EFTUD2: variants seen among roughly 807,000 people sequenced by gnomAD.
The protein encoded by EFTUD2 is 116 kDa U5 small nuclear ribonucleoprotein component.
In EFTUD2, 9 loss-of-function variants were observed where a neutral mutation model predicts 114.3. The observed-to-expected ratio is 0.08, with a 90% CI of 0.05 to 0.14. The LOEUF is 0.14. Among genes scored for constraint, EFTUD2 ranks in the 10% least tolerant of loss-of-function variants. The pLI is 1.00. For synonymous variants in EFTUD2, 449 were observed against 462.3 expected (o/e 0.97, Z 0.37); for missense variants, 765 against 1,241.2 (o/e 0.62, Z 5.76).
chr17:44,894,187 G>A, intron 2 of EFTUD2: 2 of 450,466 alleles, frequency 4.4e-6, no homozygotes, highest in South Asian at 5.2e-5. Context: ...ACCAGCCTGG[G>A]CAATGTTTCA....
intron 11 of EFTUD2, 37 bp downstream of exon 11, chr17:44,872,409 G>A (rs746424607): frequency 1.2e-6 from 2 of 1,607,534 alleles, no homozygotes; most frequent in South Asian, 1.1e-5. Context: ...CAGGACTCAG[G>A]GGAAGCTGGT....
At position 44,862,989 on chromosome 17, in the gene EFTUD2, G is replaced by C. The variant is rs958714527; in HGVS notation, c.1414-83C>G. On this transcript the variant is annotated intron_variant, in intron 15 of 27. Transcript: ENST00000426333. The stretch of plus-strand genomic sequence containing the variant: ...TCCCCGCCATCTTCCTTGACAGCAA[G>C]GACATGAGCTCTATGAGGAGCTAGA... 1.9e-5 allele frequency: 23 copies of C among 1,195,254 alleles called. No homozygotes were observed. In the African/African-American group the frequency reaches 3.2e-4, roughly 16 times the overall value. The allele number at this position is 1,195,254 out of a possible 1,614,324, so 74.0% of individuals were successfully genotyped here.
At chr17:44,895,338 A>C (rs1162330552) in intron 1 of EFTUD2, among the ~76,000 whole-genome samples, 1 of 152,344 alleles carries the variant, frequency 6.6e-6, no homozygotes, top group Middle Eastern at 3.4e-3. Flanking sequence ...TCTACTAAAA[A>C]TACAAAAATT....
In EFTUD2 at chr17:44,893,290, T is replaced by C. The variant is rs184205190; in HGVS notation, c.105+1127A>G. ...GGCACGCGCCAACAAGCCTGGCTAA[T>C]ATTTGTATTTTTAGTAGAGACGGGG... On this transcript the variant is annotated intron_variant, in intron 2 of 27. Transcript: ENST00000426333. Among the ~76,000 whole-genome samples, 62 of 152,128 alleles carry C rather than the reference T, an allele frequency of 4.1e-4. No homozygotes were observed. In the East Asian group the frequency reaches 0.012, roughly 29 times the overall value.
At position 44,883,630 on chromosome 17, in the gene EFTUD2, G is replaced by T; in HGVS notation, c.426+19C>A. 1 of 1,609,494 alleles carries T rather than the reference G, an allele frequency of 6.2e-7. No homozygotes were observed. ...CAAAAGAGAAATCCTGTTCCAAGTA[G>T]CTGAAAGTTCCGTCTTACCTTGCCA... is the stretch of plus-strand genomic sequence containing the variant. On this transcript the variant is annotated intron_variant, in intron 5 of 27. Coordinates refer to ENST00000426333, the MANE Select transcript of EFTUD2 (RefSeq NM_004247.4).
At chr17:44,873,906 T>A (rs1211903560) in intron 10 of EFTUD2, among the ~76,000 whole-genome samples, 4 of 151,266 alleles carry the variant, frequency 2.6e-5, no homozygotes, top group Non-Finnish European at 4.4e-5. Context: ...TAATTTTTTT[T>A]GTATTTTTTA....
At chr17:44,862,618 C>A (rs1299816348) in intron 16 of EFTUD2, 95 bp downstream of exon 16, 2 of 1,227,290 alleles carry the variant, frequency 1.6e-6, no homozygotes, top group Non-Finnish European at 2.3e-6. Context: ...CAGAGCCTTG[C>A]AACTACTTCC....
chr17:44,868,919 T>C (rs2050797862), intron 11 of EFTUD2, among the ~76,000 whole-genome samples: 1 of 152,220 alleles, frequency 6.6e-6, no homozygotes, highest in South Asian at 2.1e-4. Context: ...TGACTATAAC[T>C]GCTAATCCTG....
chr17:44,875,854 TCA>T, intron 10 of EFTUD2, 78 bp downstream of exon 10: 2 of 1,527,732 alleles, frequency 1.3e-6, no homozygotes, highest in South Asian at 1.2e-5. Flanking sequence ...TAGAAATAAA[TCA>T]CAGTTGTTCC....
At chr17:44,881,984 TGCAATGGC>T in intron 6 of EFTUD2, 2 of 453,660 alleles carry the variant, frequency 4.4e-6, no homozygotes, top group South Asian at 4.6e-5. Context: ...CAGGCTGGAG[TGCAATGGC>T]GCGATCTCAG....
At chr17:44,885,432 T>TC in intron 3 of EFTUD2, 98 bp from the exon 4 acceptor site, 7 of 830,022 alleles carry the variant, frequency 8.4e-6, no homozygotes, top group Non-Finnish European at 1.0e-5. Flanking sequence ...ATGTATGATG[T>TC]ATGACATCAA....
At chr17:44,889,407 A>T (rs1231262523) in intron 2 of EFTUD2, among the ~76,000 whole-genome samples, 1 of 152,200 alleles carries the variant, frequency 6.6e-6, no homozygotes, top group African/African-American at 2.4e-5. Context: ...TATGGGGTCA[A>T]GAGAGAGTTT....
intron 1 of EFTUD2, among the ~76,000 whole-genome samples, chr17:44,898,228 A>G (rs76829857): frequency 0.095 from 14,465 of 151,894 alleles, 758 homozygotes; most frequent in Middle Eastern, 0.26. Context: ...TTTTATATAT[A>G]TTTTTTGAGA....
chr17:44,863,229 C>T, intron 15 of EFTUD2: 1 of 272,018 alleles, frequency 3.7e-6, no homozygotes, highest in Non-Finnish European at 6.9e-6. Context: ...TAACTCAATT[C>T]TCAACTGGCT....
At chr17:44,867,048 A>G (rs576207053) in intron 13 of EFTUD2, among the ~76,000 whole-genome samples, 260 of 152,346 alleles carry the variant, frequency 1.7e-3, no homozygotes, top group African/African-American at 6.0e-3. Context: ...TTGAAGCTGC[A>G]GTGAGCTATG....
intron 9 of EFTUD2, 41 bp from the exon 10 acceptor site, chr17:44,876,141 G>T (rs769562427): frequency 1.3e-6 from 2 of 1,582,018 alleles, no homozygotes; most frequent in Non-Finnish European, 8.6e-7. Context: ...GAAGAACAAG[G>T]AGGGCAGAAA....
chr17:44,855,406 A>C (rs902979769), intron 20 of EFTUD2, among the ~76,000 whole-genome samples: 2 of 151,742 alleles, frequency 1.3e-5, no homozygotes, highest in African/African-American at 4.8e-5. Flanking sequence ...ACTAAAATAC[A>C]AAAAATTAGC....
At chr17:44,880,523 T>C in intron 8 of EFTUD2, 31 bp downstream of exon 8, 1 of 1,573,546 alleles carries the variant, frequency 6.4e-7, no homozygotes, top group South Asian at 1.1e-5. Context: ...AAGACAAGGT[T>C]CTAATAATCA....
intron 2 of EFTUD2, among the ~76,000 whole-genome samples, chr17:44,890,619 G>A (rs891571121): frequency 2.0e-5 from 3 of 149,416 alleles, no homozygotes; most frequent in Non-Finnish European, 4.5e-5. Flanking sequence ...TTGAACCCGG[G>A]AGGTGGAGGT....
Sources: gnomAD v4.1 joint callset for allele counts (sites outside exome capture counted in the v4.1 genomes callset) on GRCh38, gnomAD v4.1.1 for gene constraint, MANE v1.5 for transcripts, NCBI Gene and HGNC (gene_info 2026-07-23, HGNC 2026-07-21) for gene names.